CACNA1A: variants seen among roughly 807,000 people sequenced by gnomAD.
CACNA1A encodes the protein calcium voltage-gated channel subunit alpha1 A, also known as voltage-dependent P/Q-type calcium channel subunit alpha-1A.
In CACNA1A, 57 loss-of-function variants were observed where a neutral mutation model predicts 262.4. That is an observed-to-expected ratio of 0.22 (90% confidence interval 0.18 to 0.27). The LOEUF is 0.27. Ranked by LOEUF, CACNA1A falls within the 10% of genes least tolerant of loss-of-function variation. The pLI is 1.00. For synonymous variants in CACNA1A, 1,431 were observed against 1,419.3 expected (o/e 1.01, Z -0.18); for missense variants, 2,526 against 3,562.8 (o/e 0.71, Z 7.41).
chr19:13,367,040 A>G (rs906166815), intron 4 of CACNA1A, among the ~76,000 whole-genome samples: 1 of 152,202 alleles, frequency 6.6e-6, no homozygotes. Flanking sequence ...CACGCCTCTA[A>G]TCCCAGCACT....
chr19:13,461,340 A>AAAAACAAAACAAAACAAAAC (rs59561044), intron 1 of CACNA1A, among the ~76,000 whole-genome samples: 78 of 148,194 alleles, frequency 5.3e-4, no homozygotes, highest in African/African-American at 1.7e-3. Context: ...ACTCCGTCTC[A>AAAAACAAAACAAAACAAAAC]AAAACAAAAC....
intron 38 of CACNA1A, among the ~76,000 whole-genome samples, chr19:13,219,577 C>G (rs1325555384): frequency 2.0e-5 from 3 of 152,124 alleles, no homozygotes; most frequent in African/African-American, 7.2e-5. Context: ...AATTCAAAAG[C>G]TGCCCTTCTG....
intron 1 of CACNA1A, among the ~76,000 whole-genome samples, chr19:13,461,440 C>T (rs1238336244): frequency 2.6e-5 from 4 of 152,172 alleles, no homozygotes; most frequent in Non-Finnish European, 4.4e-5. Flanking sequence ...CTAGAAACCC[C>T]GACTTCATCT....
intron 6 of CACNA1A, among the ~76,000 whole-genome samples, chr19:13,351,274 G>C (rs2058903378): frequency 6.6e-6 from 1 of 152,134 alleles, no homozygotes; most frequent in African/African-American, 2.4e-5. Context: ...GAATTCTTTT[G>C]TAAGAAAGAT....
intron 3 of CACNA1A, among the ~76,000 whole-genome samples, chr19:13,394,942 C>A (rs892389640): frequency 3.3e-5 from 5 of 152,120 alleles, no homozygotes; most frequent in African/African-American, 1.2e-4. Flanking sequence ...CTCTAACTTT[C>A]CCTCCACCTT....
intron 26 of CACNA1A, chr19:13,260,239 CTATATATACACATACA>C (rs1377358781): frequency 6.5e-6 from 1 of 153,792 alleles, no homozygotes; most frequent in Non-Finnish European, 1.4e-5. Flanking sequence ...AACAATATCA[CTATATATACACATACA>C]TATATATACA....
intron 3 of CACNA1A, among the ~76,000 whole-genome samples, chr19:13,379,784 C>T (rs1271826471): frequency 3.7e-5 from 5 of 135,418 alleles, no homozygotes; most frequent in East Asian, 4.4e-4. Context: ...ATTAGCTGGG[C>T]GTGGTGGCGG....
rs1381712509 is a variant in CACNA1A, at chr19:13,258,819, G to C, written c.4388+745C>G. 3 of 151,948 alleles carry C rather than the reference G, an allele frequency of 2.0e-5. 1 individual carries two copies. 9.4% of individuals were successfully genotyped at this position (151,948 alleles called of 1,614,324 possible). Reference sequence around the variant, plus strand: ...GTGAGGGAGGGAGGCATTTGTTTTGGGTGCAAATTAAGGGGGTACTGAAAA... The same window carrying C: ...GTGAGGGAGGGAGGCATTTGTTTTGCGTGCAAATTAAGGGGGTACTGAAAA... On this transcript the variant is annotated intron_variant, in intron 27 of 46. Transcript: ENST00000360228.
At chr19:13,411,010 C>A (rs1470960553) in intron 3 of CACNA1A, among the ~76,000 whole-genome samples, 3 of 152,160 alleles carry the variant, frequency 2.0e-5, no homozygotes, top group Non-Finnish European at 4.4e-5. Context: ...ATAGCCTCCA[C>A]AGGAGGCTGA....
intron 3 of CACNA1A, among the ~76,000 whole-genome samples, chr19:13,387,819 GC>G (rs1420792169): frequency 1.3e-5 from 2 of 152,124 alleles, no homozygotes; most frequent in African/African-American, 2.4e-5. Context: ...CGTCACTACA[GC>G]CAGTGCAACA....
At position 13,214,339 on chromosome 19, in the gene CACNA1A, G is replaced by GGC; in HGVS notation, c.5840-8_5840-7dup. 6.2e-7 allele frequency: 1 copy of GGC among 1,612,290 alleles called. No homozygotes were observed. Among genetic ancestry groups the GGC allele is most frequent in the Non-Finnish European group, 8.5e-7 (1 of 1,179,470 alleles). ...CCCCACGGTGAGGTCCGTGGCTGGG[G>GGC]GCACACACACGGTGAGCTCACCAAG... On this transcript the variant is annotated splice_region_variant and splice_polypyrimidine_tract_variant and intron_variant, in intron 39 of 46. Transcript: ENST00000360228. This position sits in a 1 kb window ranked among gnomAD's most constrained non-coding sequence, Gnocchi z 4.1.
At chr19:13,334,173 C>T (rs556720741) in intron 8 of CACNA1A, 13 of 538,812 alleles carry the variant, frequency 2.4e-5, no homozygotes, top group East Asian at 1.5e-4. Flanking sequence ...ATTCAAGTTA[C>T]GTGATGTCAG....
At position 13,339,010 on chromosome 19, in the gene CACNA1A, C is replaced by T. The variant is rs372051973; in HGVS notation, c.979-3101G>A. Among the ~76,000 whole-genome samples the T allele has an allele frequency of 1.4e-4, 22 of 152,128 alleles. No homozygotes were observed. The South Asian group carries it at 3.5e-3, about 24-fold the overall frequency. ...CCTCCTGAGTAGTTGGGATTACAGG[C>T]GCCCGCCACCATGCCTGGCTAATTT... is the stretch of plus-strand genomic sequence containing the variant. On this transcript the variant is annotated intron_variant, in intron 6 of 46. Transcript: ENST00000360228.
chr19:13,401,857 A>G (rs1568609672), intron 3 of CACNA1A, among the ~76,000 whole-genome samples: 1 of 152,064 alleles, frequency 6.6e-6, no homozygotes, highest in Non-Finnish European at 1.5e-5. Flanking sequence ...TTTTATTTTT[A>G]GTAGAGATGG....
Position 13,210,303 on chromosome 19 carries a change from A to G in CACNA1A, c.6339+314T>C, listed in dbSNP as rs116457834. Among the ~76,000 whole-genome samples, 2,502 of 152,182 alleles carry G rather than the reference A, an allele frequency of 0.016. 67 individuals are homozygous for G. The highest frequency in any genetic ancestry group is 0.057 in the African/African-American group (2,355 of 41,498). On this transcript the variant is annotated intron_variant, in intron 44 of 46. Transcript: ENST00000360228. ...ACCAGGGGTTGGTGGTGGTGTCAGG[A>G]GAAGAAGCCCCCCAGAAAGAGGTGC...
At chr19:13,417,212 C>G (rs1198255866) in intron 3 of CACNA1A, among the ~76,000 whole-genome samples, 1 of 152,190 alleles carries the variant, frequency 6.6e-6, no homozygotes, top group Non-Finnish European at 1.5e-5. Flanking sequence ...AGCTGCCAAT[C>G]TGTCAGCTTG....
chr19:13,342,892 C>T (rs2058699300), intron 6 of CACNA1A, among the ~76,000 whole-genome samples: 1 of 152,138 alleles, frequency 6.6e-6, no homozygotes, highest in Non-Finnish European at 1.5e-5. Flanking sequence ...TGCAGCATAA[C>T]TTGGCTGCCC....
chr19:13,317,050 T>G (rs980839047), intron 11 of CACNA1A, 62 bp downstream of exon 11: 39 of 1,058,790 alleles, frequency 3.7e-5, no homozygotes, highest in South Asian at 5.8e-5. Flanking sequence ...GAAAGAGAAG[T>G]GGAAAAAGGG....
At chr19:13,242,130 C>A (rs73509474) in intron 31 of CACNA1A, among the ~76,000 whole-genome samples, 1 of 152,136 alleles carries the variant, frequency 6.6e-6, no homozygotes, top group Non-Finnish European at 1.5e-5. Context: ...ACACCCACCC[C>A]CTATCTTTCC....
Sources: allele counts gnomAD v4.1 joint callset (sites outside exome capture counted in the v4.1 genomes callset), GRCh38; gene constraint gnomAD v4.1.1; non-coding constraint Gnocchi (gnomAD v3.1); transcripts MANE v1.5; gene names NCBI Gene and HGNC (gene_info 2026-07-23, HGNC 2026-07-21).